Variants in GUCY1A2 observed in about 807,000 individuals in gnomAD.
GUCY1A2 encodes guanylate cyclase soluble subunit alpha-2.
Under a neutral mutation model 63.5 loss-of-function variants are expected in GUCY1A2, and 27 were observed. The observed-to-expected ratio is 0.43, with a 90% CI of 0.31 to 0.59. The LOEUF is 0.59. Among genes scored for constraint, GUCY1A2 ranks in the 20% least tolerant of loss-of-function variants. GUCY1A2 has a pLI of 0.11. For missense variants in GUCY1A2, 768 were observed against 913.3 expected, an observed-to-expected ratio of 0.84 and a Z score of 2.05; for synonymous variants, 364 against 343.5, an observed-to-expected ratio of 1.06 and a Z score of -0.66.
At chr11:106,891,663 T>G (rs916994249) in intron 4 of GUCY1A2, among the ~76,000 whole-genome samples, 2 of 152,146 alleles carry the variant, frequency 1.3e-5, no homozygotes, top group Non-Finnish European at 2.9e-5. Flanking sequence ...CACTATTTAA[T>G]GTAAAGGTCT....
At position 106,841,549 on chromosome 11, in the gene GUCY1A2, A is replaced by C. The variant is rs867723817; in HGVS notation, c.1207-31071T>G. On this transcript the variant is annotated intron_variant, in intron 4 of 7. Coordinates refer to ENST00000526355, the MANE Select transcript of GUCY1A2 (RefSeq NM_000855.3). ...TCCATTCCATGTGCATATTATAAAC[A>C]TATTTGATGTTTTTGCCCTTCAACC... Among the ~76,000 whole-genome samples, 4 of 152,034 alleles carry C rather than the reference A, an allele frequency of 2.6e-5. No individual in the cohort carries two copies. In the South Asian group the frequency reaches 8.3e-4, roughly 31 times the overall value.
chr11:106,824,967 T>C, intron 4 of GUCY1A2: 1 of 1,612,848 alleles, frequency 6.2e-7, no homozygotes, highest in Non-Finnish European at 8.5e-7. Context: ...ACATGAATGT[T>C]ACTAAATTTT....
chr11:106,909,355 C>CTGTGTGTGTGTGTGTG (rs59067320), intron 4 of GUCY1A2, among the ~76,000 whole-genome samples: 9,943 of 119,782 alleles, frequency 0.083, 674 homozygotes, highest in Non-Finnish European at 0.1. Flanking sequence ...TGGTACTCAT[C>CTGTGTGTGTGTGTGTG]TGTGTGTGTG....
intron 6 of GUCY1A2, among the ~76,000 whole-genome samples, chr11:106,744,446 C>G (rs1053390756): frequency 1.3e-5 from 2 of 152,026 alleles, no homozygotes; most frequent in Non-Finnish European, 2.9e-5. Context: ...AGGGTTTCAC[C>G]ATGTTACATA....
At position 106,683,344 on chromosome 11, in the gene GUCY1A2, T is replaced by C. The variant is rs1404961058; in HGVS notation, c.*4205A>G. 4 of 223,300 alleles carry C rather than the reference T, an allele frequency of 1.8e-5. No individual in the cohort carries two copies. The highest frequency in any genetic ancestry group is 8.9e-5 in the African/African-American group (4 of 44,770). The allele number at this position is 223,300 out of a possible 1,614,324, so 13.8% of individuals were successfully genotyped here. On this transcript the variant is annotated 3_prime_UTR_variant, in exon 8 of 8. Transcript: ENST00000526355. ...TTGTCAGCTGAAAGACGCCTGGTGC[T>C]ACCCAAAGCCTATTCAGAGTCATTT...
intron 6 of GUCY1A2, among the ~76,000 whole-genome samples, chr11:106,732,130 C>G (rs1187803282): frequency 6.6e-6 from 1 of 151,886 alleles, no homozygotes; most frequent in Non-Finnish European, 1.5e-5. Context: ...AGGAATCACA[C>G]TACCTGCTAT....
At chr11:106,717,085 T>A (rs1299768746) in intron 6 of GUCY1A2, among the ~76,000 whole-genome samples, 2 of 152,242 alleles carry the variant, frequency 1.3e-5, no homozygotes, top group Non-Finnish European at 2.9e-5. Context: ...GAGCTAGTCC[T>A]ACTTCTGGGC....
chr11:107,002,858 G>A (rs182751850), intron 1 of GUCY1A2, among the ~76,000 whole-genome samples: 4 of 152,162 alleles, frequency 2.6e-5, no homozygotes, highest in African/African-American at 7.2e-5. Flanking sequence ...AGACAAGAAT[G>A]TAATAATAAA....
intron 3 of GUCY1A2, among the ~76,000 whole-genome samples, chr11:106,949,219 T>C (rs1005178849): frequency 2.6e-5 from 4 of 152,096 alleles, no homozygotes; most frequent in Non-Finnish European, 4.4e-5. Flanking sequence ...TCTCATCATA[T>C]TGTTTCTCTG....
intron 4 of GUCY1A2, among the ~76,000 whole-genome samples, chr11:106,850,780 G>T (rs1268448949): frequency 4.6e-5 from 7 of 151,820 alleles, no homozygotes; most frequent in African/African-American, 1.7e-4. Context: ...ATTAGCTATT[G>T]TAAATCGTGC....
At position 106,675,332 on chromosome 11, in the gene GUCY1A2, G is replaced by A. The variant is rs1216708143; in HGVS notation, c.*12217C>T. 1.1e-5 allele frequency: 2 copies of A among 189,614 alleles called. No individual in the cohort carries two copies. Among genetic ancestry groups the A allele is most frequent in the Non-Finnish European group, 2.2e-5 (2 of 92,188 alleles). 11.7% of individuals were successfully genotyped at this position (189,614 alleles called of 1,614,324 possible). ...ATCCAACTTGAAGAAAAATCAGAAA[G>A]TATTTTTCTCCATGGACCATTATTC... On this transcript the variant is annotated 3_prime_UTR_variant, in exon 8 of 8. Transcript: ENST00000526355.
chr11:106,940,854 A>G (rs1268734015), intron 3 of GUCY1A2, among the ~76,000 whole-genome samples: 1 of 152,136 alleles, frequency 6.6e-6, no homozygotes, highest in Non-Finnish European at 1.5e-5. Flanking sequence ...TGATTTCCCC[A>G]TTCTTCACAG....
chr11:106,937,688 A>G (rs1392200804), intron 4 of GUCY1A2, among the ~76,000 whole-genome samples: 3 of 152,232 alleles, frequency 2.0e-5, no homozygotes, highest in African/African-American at 7.2e-5. Context: ...TCCATTCTAA[A>G]GGACTTCAAA....
chr11:106,772,148 T>C (rs192460309), intron 6 of GUCY1A2, among the ~76,000 whole-genome samples: 2 of 152,254 alleles, frequency 1.3e-5, no homozygotes, highest in African/African-American at 4.8e-5. Context: ...GCATTACCAA[T>C]CATTTCCAAG....
intron 3 of GUCY1A2, among the ~76,000 whole-genome samples, chr11:106,960,917 G>A (rs1477717243): frequency 6.6e-6 from 1 of 151,984 alleles, no homozygotes; most frequent in African/African-American, 2.4e-5. Flanking sequence ...TCATGGAAAG[G>A]AGTGCCAGAG....
At chr11:106,706,055 T>G (rs1408337385) in intron 7 of GUCY1A2, among the ~76,000 whole-genome samples, 6 of 152,156 alleles carry the variant, frequency 3.9e-5, no homozygotes, top group Non-Finnish European at 5.9e-5. Flanking sequence ...TCCACAATAG[T>G]TACAAAAATA....
intron 1 of GUCY1A2, among the ~76,000 whole-genome samples, chr11:106,995,589 T>C (rs572445700): frequency 2.0e-5 from 3 of 152,342 alleles, no homozygotes; most frequent in African/African-American, 7.2e-5. Flanking sequence ...GGAAAATTCC[T>C]GAATAACCTT....
At chr11:107,007,852 A>G (rs1166882658) in intron 1 of GUCY1A2, among the ~76,000 whole-genome samples, 1 of 152,046 alleles carries the variant, frequency 6.6e-6, no homozygotes, top group African/African-American at 2.4e-5. Flanking sequence ...ATAATAATGA[A>G]CAACACAGCA....
At chr11:106,897,599 T>C (rs557989633) in intron 4 of GUCY1A2, among the ~76,000 whole-genome samples, 4 of 151,448 alleles carry the variant, frequency 2.6e-5, no homozygotes, top group Admixed American at 6.6e-5. Context: ...AGCAATGCAA[T>C]GAAAAAAAGA....
Sources: gnomAD v4.1 joint callset for allele counts (sites outside exome capture counted in the v4.1 genomes callset) on GRCh38, gnomAD v4.1.1 for gene constraint, MANE v1.5 for transcripts, NCBI Gene and HGNC (gene_info 2026-07-23, HGNC 2026-07-21) for gene names.